Variants in ANKRD36 observed in about 807,000 individuals in gnomAD.
The protein encoded by ANKRD36 is ankyrin repeat domain-containing protein 36A.
ANKRD36 carries 179 observed loss-of-function variants against 278.1 expected under a neutral mutation model. The observed-to-expected ratio is 0.64, with a 90% CI of 0.57 to 0.73. The LOEUF (loss-of-function observed/expected upper bound fraction) is 0.73. Ranked by LOEUF, ANKRD36 falls within the 30% of genes least tolerant of loss-of-function variation. ANKRD36 has a pLI of 0.00. For missense variants in ANKRD36, 1,159 were observed against 1,956.7 expected (o/e 0.59, Z 7.69); for synonymous variants, 320 against 641.1 (o/e 0.50, Z 7.57).
rs1225612040 is a variant in ANKRD36 at position 97,192,847 on chromosome 2, T to G, written c.2348-11T>G. 1 of 1,601,560 alleles carries G rather than the reference T, an allele frequency of 6.2e-7. No individual in the cohort carries two copies. Among genetic ancestry groups the G allele is most frequent in the Non-Finnish European group, 8.5e-7 (1 of 1,175,966 alleles). The stretch of plus-strand genomic sequence containing the variant: ...ACATATGAGTGATTATGTATCCCTT[T>G]TGCTTTTCAGTGTCTTCTCAGAAAC... On this transcript the variant is annotated splice_polypyrimidine_tract_variant and intron_variant, in intron 36 of 75. Transcript: ENST00000420699.
chr2:97,204,033 C>T, intron 48 of ANKRD36, 35 bp from the exon 49 acceptor site: 3 of 1,556,820 alleles, frequency 1.9e-6, no homozygotes, highest in Non-Finnish European at 2.6e-6. Flanking sequence ...GTCATTTTTA[C>T]ATATGAGTGA....
At chr2:97,218,141 C>T (rs1296080728) in intron 64 of ANKRD36, among the ~76,000 whole-genome samples, 19 of 149,876 alleles carry the variant, frequency 1.3e-4, no homozygotes, top group Non-Finnish European at 1.9e-4. Context: ...AAAGTGCTGG[C>T]TGTCTTGTTA....
intron 43 of ANKRD36, 43 bp downstream of exon 43, chr2:97,198,534 G>A (rs781036868): frequency 5.1e-6 from 8 of 1,565,858 alleles, no homozygotes; most frequent in Admixed American, 1.9e-5. Context: ...TAAATGCATA[G>A]TCTATGAAAC....
At chr2:97,154,340 TC>T (rs1435295153) in intron 14 of ANKRD36, among the ~76,000 whole-genome samples, 8 of 149,018 alleles carry the variant, frequency 5.4e-5, no homozygotes, top group African/African-American at 1.9e-4. Flanking sequence ...TTCAGTTTAG[TC>T]TTTAGGGTAG....
intron 59 of ANKRD36, 38 bp from the exon 60 acceptor site, chr2:97,213,504 G>A: frequency 1.8e-6 from 1 of 562,622 alleles, no homozygotes; most frequent in South Asian, 2.2e-5. Context: ...ATGAAACATA[G>A]TTTATGTATT....
intron 22 of ANKRD36, 75 bp from the exon 23 acceptor site, chr2:97,179,663 C>T: frequency 6.3e-7 from 1 of 1,578,884 alleles, no homozygotes; most frequent in Non-Finnish European, 8.5e-7. Flanking sequence ...TGCTAACATG[C>T]TATCCATGCA....
chr2:97,173,503 A>C (rs902900609), intron 22 of ANKRD36, among the ~76,000 whole-genome samples: 11 of 151,850 alleles, frequency 7.2e-5, no homozygotes, highest in African/African-American at 2.7e-4. Context: ...AGTGTCTGAC[A>C]CATTTAACAT....
In ANKRD36 at chr2:97,173,937, C is replaced by T. The variant is rs981344665; in HGVS notation, c.1634-5801C>T. Among the ~76,000 whole-genome samples, 12 of 149,368 alleles carry T rather than the reference C, an allele frequency of 8.0e-5. No individual in the cohort carries two copies. The East Asian group carries it at 9.8e-4, about 12-fold the overall frequency. On this transcript the variant is annotated intron_variant, in intron 22 of 75. Coordinates refer to ENST00000420699, the MANE Select transcript of ANKRD36 (RefSeq NM_001354587.1). ...TTTTGTAAAAGAACCTGAGAGACCC[C>T]GATGGTATATCATGTGAAACTAGAT...
At chr2:97,198,296 C>G (rs1362908959) in intron 42 of ANKRD36, among the ~76,000 whole-genome samples, 167 bp from the exon 43 acceptor site, 1 of 151,946 alleles carries the variant, frequency 6.6e-6, no homozygotes, top group African/African-American at 2.4e-5. Flanking sequence ...ATTCCCTTTT[C>G]TCAGCGTATT....
At chr2:97,197,010 A>G (rs1466294091) in intron 42 of ANKRD36, among the ~76,000 whole-genome samples, 1 of 151,898 alleles carries the variant, frequency 6.6e-6, no homozygotes, top group African/African-American at 2.4e-5. Context: ...GTTGGGAAGA[A>G]GATATATGGA....
chr2:97,195,236 A>G, intron 40 of ANKRD36, among the ~76,000 whole-genome samples: 1 of 152,078 alleles, frequency 6.6e-6, no homozygotes. Context: ...ACGGAGAAGG[A>G]GAGGAAGTAC....
intron 22 of ANKRD36, among the ~76,000 whole-genome samples, chr2:97,168,258 T>C (rs1252995490): frequency 2.0e-5 from 3 of 152,272 alleles, no homozygotes; most frequent in Non-Finnish European, 4.4e-5. Flanking sequence ...TATGTGTGTG[T>C]GCGCTTTTGT....
At position 97,155,334 on chromosome 2, in the gene ANKRD36, A is replaced by T. The variant is rs1194331633; in HGVS notation, c.1260+593A>T. On this transcript the variant is annotated intron_variant, in intron 15 of 75. Transcript: ENST00000420699. ...ACAAATTGTGGAAATTTAACTAGAC[A>T]TGGTATCATGTGCCTGTAGTCCCAC... Among the ~76,000 whole-genome samples, 2 of 144,676 alleles carry T rather than the reference A, an allele frequency of 1.4e-5. 1 individual carries two copies. The highest frequency in any genetic ancestry group is 3.1e-5 in the Non-Finnish European group (2 of 64,084). The allele number at this position is 144,676 out of a possible 152,430, so 94.9% of individuals were successfully genotyped here.
intron 22 of ANKRD36, among the ~76,000 whole-genome samples, chr2:97,177,893 C>T (rs1471099222): frequency 6.6e-6 from 1 of 151,312 alleles, no homozygotes; most frequent in Non-Finnish European, 1.5e-5. Context: ...AACAGGCAAC[C>T]TACAAAATGG....
At chr2:97,196,070 C>T (rs1032770772) in intron 40 of ANKRD36, among the ~76,000 whole-genome samples, 8 of 152,076 alleles carry the variant, frequency 5.3e-5, no homozygotes, top group African/African-American at 1.9e-4. Context: ...CCAAGGTGAT[C>T]AATGTAGGAC....
chr2:97,184,918 G>C (rs1174200366), intron 28 of ANKRD36, among the ~76,000 whole-genome samples: 3 of 151,750 alleles, frequency 2.0e-5, no homozygotes, highest in East Asian at 1.9e-4. Context: ...TTGTAGTATA[G>C]TAGTGTAAAT....
chr2:97,228,294 A>T (rs1445001127), intron 67 of ANKRD36, among the ~76,000 whole-genome samples: 1 of 152,074 alleles, frequency 6.6e-6, no homozygotes, highest in Non-Finnish European at 1.5e-5. Context: ...TAAGCTATTG[A>T]TTATTGCCAC....
chr2:97,223,062 T>G (rs1177756252), intron 66 of ANKRD36, among the ~76,000 whole-genome samples: 1 of 151,898 alleles, frequency 6.6e-6, no homozygotes, highest in Non-Finnish European at 1.5e-5. Flanking sequence ...TTTTTCATTT[T>G]TGACAATTAT....
rs775819231 is a variant in ANKRD36 at position 97,179,951 on chromosome 2, A to G, written c.1735+18A>G. The stretch of plus-strand genomic sequence containing the variant: ...TGGGACAGGTAATTTTGCAAAACAC[A>G]TCTAATGTCATGTTCAATCAAGATG... On this transcript the variant is annotated intron_variant, in intron 24 of 75. Coordinates refer to ENST00000420699, the MANE Select transcript of ANKRD36 (RefSeq NM_001354587.1). 1 of 1,603,692 alleles carries G rather than the reference A, an allele frequency of 6.2e-7. No homozygotes were observed. Among genetic ancestry groups the G allele is most frequent in the East Asian group, 2.2e-5 (1 of 44,788 alleles).
Sources: allele counts gnomAD v4.1 joint callset (sites outside exome capture counted in the v4.1 genomes callset), GRCh38; gene constraint gnomAD v4.1.1; transcripts MANE v1.5; gene names NCBI Gene and HGNC (gene_info 2026-07-23, HGNC 2026-07-21).